PARD3: variants seen among roughly 807,000 people sequenced by gnomAD.
PARD3 encodes par-3 family cell polarity regulator.
PARD3 carries 75 observed loss-of-function variants against 155.4 expected under a neutral mutation model. The observed-to-expected ratio is 0.48, with a 90% CI of 0.40 to 0.58. The LOEUF (loss-of-function observed/expected upper bound fraction) is 0.58. Ranked by LOEUF, PARD3 falls within the 20% of genes least tolerant of loss-of-function variation. The pLI is 0.00. For missense variants in PARD3, 1,642 were observed against 1,721.7 expected, an observed-to-expected ratio of 0.95 and a Z score of 0.82; for synonymous variants, 576 against 610.5, an observed-to-expected ratio of 0.94 and a Z score of 0.83.
chr10:34,204,701 T>TC (rs200408800), intron 22 of PARD3, among the ~76,000 whole-genome samples: 4,183 of 152,134 alleles, frequency 0.027, 88 homozygotes, highest in Non-Finnish European at 0.041. Flanking sequence ...TACGTTACAT[T>TC]CCCCCCTACA....
At chr10:34,169,287 T>C (rs1369153003) in intron 22 of PARD3, among the ~76,000 whole-genome samples, 2 of 152,108 alleles carry the variant, frequency 1.3e-5, no homozygotes, top group African/African-American at 2.4e-5. Context: ...AGATAAAATA[T>C]AGAGCACAGT....
At chr10:34,224,194 A>G (rs977506360) in intron 22 of PARD3, among the ~76,000 whole-genome samples, 6 of 152,226 alleles carry the variant, frequency 3.9e-5, no homozygotes, top group Admixed American at 1.3e-4. Context: ...TTGACCTAAA[A>G]GCTTTTCATA....
chr10:34,525,126 T>C (rs2082388797), intron 2 of PARD3, among the ~76,000 whole-genome samples: 1 of 152,224 alleles, frequency 6.6e-6, no homozygotes, highest in South Asian at 2.1e-4. Flanking sequence ...CAAAAGGATA[T>C]ATTTGAACCA....
intron 20 of PARD3, among the ~76,000 whole-genome samples, chr10:34,296,437 C>T (rs1589090802): frequency 6.6e-6 from 1 of 152,094 alleles, no homozygotes; most frequent in Admixed American, 6.5e-5. Context: ...TGCTATGTTG[C>T]CCAGGCTGGT....
rs928017687 is a variant in PARD3 at position 34,419,227 on chromosome 10, A to G, written c.715-17310T>C. ...GGGGAGAATGGATAAGAAGTAATGC[A>G]AAGAAACAGGCCAGGTGCGGTGGCT... On this transcript the variant is annotated intron_variant, in intron 5 of 24. Coordinates refer to ENST00000374788, the MANE Select transcript of PARD3 (RefSeq NM_001184785.2). Among the ~76,000 whole-genome samples the G allele has an allele frequency of 4.6e-5, 7 of 152,218 alleles. 1 individual carries two copies. Among genetic ancestry groups the G allele is most frequent in the African/African-American group, 1.7e-4 (7 of 41,466 alleles).
intron 2 of PARD3, among the ~76,000 whole-genome samples, chr10:34,573,736 AACACACACAC>A (rs60211169): frequency 3.0e-4 from 12 of 39,586 alleles, no homozygotes; most frequent in South Asian, 1.5e-3. Context: ...AACAAACAAA[AACACACACAC>A]ACACACACAC....
At chr10:34,525,816 G>C (rs1564809803) in intron 2 of PARD3, among the ~76,000 whole-genome samples, 1 of 151,884 alleles carries the variant, frequency 6.6e-6, no homozygotes, top group Non-Finnish European at 1.5e-5. Flanking sequence ...GGCATGGTGG[G>C]TCATGCCTGT....
At chr10:34,396,440 A>C (rs1843353535) in intron 7 of PARD3, among the ~76,000 whole-genome samples, 1 of 152,180 alleles carries the variant, frequency 6.6e-6, no homozygotes, top group Non-Finnish European at 1.5e-5. Context: ...AAAACTCTCT[A>C]ACGTTAACTT....
At chr10:34,291,236 T>C (rs1272758595) in intron 20 of PARD3, among the ~76,000 whole-genome samples, 1 of 152,210 alleles carries the variant, frequency 6.6e-6, no homozygotes, top group Non-Finnish European at 1.5e-5. Flanking sequence ...CTTGTCCATA[T>C]GCACTGAAGA....
At position 34,269,651 on chromosome 10, in the gene PARD3, G is replaced by A. The variant is rs750395330; in HGVS notation, c.3419+6C>T. On this transcript the variant is annotated splice_donor_region_variant and intron_variant, in intron 22 of 24. Transcript: ENST00000374788. ...AAGCAATACCACGATTGCCCCTGGC[G>A]CCTACCTGTCTACAGGTGAGGGTTT... is the stretch of plus-strand genomic sequence containing the variant. 1.2e-5 allele frequency: 19 copies of A among 1,612,762 alleles called. No homozygotes were observed. Among genetic ancestry groups the A allele is most frequent in the Middle Eastern group, 1.7e-4 (1 of 6,030 alleles).
At chr10:34,424,761 C>A (rs2075508135) in intron 5 of PARD3, among the ~76,000 whole-genome samples, 1 of 152,104 alleles carries the variant, frequency 6.6e-6, no homozygotes, top group South Asian at 2.1e-4. Flanking sequence ...GTGATCCACC[C>A]ACCTCAGCCT....
At chr10:34,781,246 G>A (rs1840204693) in intron 1 of PARD3, among the ~76,000 whole-genome samples, 1 of 152,242 alleles carries the variant, frequency 6.6e-6, no homozygotes, top group African/African-American at 2.4e-5. Context: ...AAGTAAAAGA[G>A]ATACCCCTCT....
intron 1 of PARD3, among the ~76,000 whole-genome samples, chr10:34,783,110 A>C (rs537395581): frequency 2.6e-5 from 4 of 152,294 alleles, no homozygotes; most frequent in South Asian, 4.1e-4. Context: ...AGTCAAGTTG[A>C]ATTTACTTAA....
intron 22 of PARD3, among the ~76,000 whole-genome samples, chr10:34,200,801 C>T (rs1481607782): frequency 6.6e-6 from 1 of 152,206 alleles, no homozygotes; most frequent in Non-Finnish European, 1.5e-5. Context: ...CATGCAGACG[C>T]CAGGGCTATA....
At chr10:34,147,681 T>C (rs1027315920) in intron 22 of PARD3, among the ~76,000 whole-genome samples, 1 of 151,878 alleles carries the variant, frequency 6.6e-6, no homozygotes, top group Non-Finnish European at 1.5e-5. Context: ...CAACTTAATA[T>C]GATTATAGAT....
chr10:34,188,730 T>C lies in PARD3; in HGVS notation c.3420-57147A>G, dbSNP rs536705258. ...GGCTTACATAATCATCCTATATTCA[T>C]ATGGCAACTTAAAATCGCTTTTTTT... On this transcript the variant is annotated intron_variant, in intron 22 of 24. Transcript: ENST00000374788. Among the ~76,000 whole-genome samples the C allele has an allele frequency of 2.0e-5, 3 of 150,976 alleles. No homozygotes were observed. In the South Asian group the frequency reaches 6.3e-4, roughly 32 times the overall value.
intron 3 of PARD3, among the ~76,000 whole-genome samples, chr10:34,512,290 T>C (rs896558973): frequency 6.6e-6 from 1 of 152,208 alleles, no homozygotes; most frequent in African/African-American, 2.4e-5. Context: ...TTCCAAATAA[T>C]AAGATGGCTC....
intron 2 of PARD3, among the ~76,000 whole-genome samples, chr10:34,649,140 C>T: frequency 6.6e-6 from 1 of 152,130 alleles, no homozygotes; most frequent in East Asian, 1.9e-4. Context: ...TTAACAGGGG[C>T]ACACTCATTC....
At chr10:34,371,882 T>C (rs896843593) in intron 12 of PARD3, among the ~76,000 whole-genome samples, 2 of 152,112 alleles carry the variant, frequency 1.3e-5, no homozygotes, top group African/African-American at 4.8e-5. Context: ...TCCTTCCTTT[T>C]ATTGTGTTAG....
Sources: gnomAD v4.1 joint callset for allele counts (sites outside exome capture counted in the v4.1 genomes callset) on GRCh38, gnomAD v4.1.1 for gene constraint, MANE v1.5 for transcripts, NCBI Gene and HGNC (gene_info 2026-07-23, HGNC 2026-07-21) for gene names.